BRINP3: variants seen among roughly 807,000 people sequenced by gnomAD.
The protein encoded by BRINP3 is BMP/retinoic acid-inducible neural-specific protein 3.
A neutral mutation model predicts 71.0 loss-of-function variants in BRINP3; 19 were observed. That is an observed-to-expected ratio of 0.27 (90% CI 0.19 to 0.39). BRINP3 has a LOEUF of 0.39. BRINP3 is among the 10% of genes least tolerant of loss of function. The pLI is 1.00. For synonymous variants in BRINP3, 380 were observed against 337.7 expected (o/e 1.13, Z -1.37); for missense variants, 959 against 940.8 (o/e 1.02, Z -0.25).
intron 6 of BRINP3, among the ~76,000 whole-genome samples, chr1:190,200,075 T>C (rs530918322): frequency 8.5e-5 from 13 of 152,122 alleles, no homozygotes; most frequent in Non-Finnish European, 1.8e-4. Flanking sequence ...CTTTTCCTTA[T>C]TGTTTCTCAT....
intron 7 of BRINP3, among the ~76,000 whole-genome samples, chr1:190,157,050 T>TA (rs1377847690): frequency 6.6e-6 from 1 of 151,902 alleles, no homozygotes; most frequent in Non-Finnish European, 1.5e-5. Flanking sequence ...ACCTCACATA[T>TA]ATCTGCACTT....
At chr1:190,422,725 A>G (rs2102466856) in intron 2 of BRINP3, among the ~76,000 whole-genome samples, 1 of 151,986 alleles carries the variant, frequency 6.6e-6, no homozygotes, top group East Asian at 1.9e-4. Context: ...GACTAGGGCA[A>G]GAAGGGAATT....
chr1:190,264,947 T>C lies in BRINP3; in HGVS notation c.536A>G (p.Gln179Arg). 6.2e-7 allele frequency: 1 copy of C among 1,613,642 alleles called. No individual in the cohort carries two copies. The highest frequency in any genetic ancestry group is 8.5e-7 in the Non-Finnish European group (1 of 1,179,864). ...SSSVTLETLH[Q>R]LAASYFIDRD... ...GTCAATGAAATAAGAAGCGGCTAGC[T>C]GATGTAGCGTCTCCAGAGTGACCGA... The change falls in exon 4 of 8, where the codon CAG becomes CGG. Residue 179 changes from glutamine to arginine, a missense_variant. Coordinates refer to ENST00000367462, the MANE Select transcript of BRINP3 (RefSeq NM_199051.3).
At chr1:190,203,435 ATATG>A (rs1179798432) in intron 6 of BRINP3, among the ~76,000 whole-genome samples, 3 of 148,578 alleles carry the variant, frequency 2.0e-5, no homozygotes, top group Non-Finnish European at 3.0e-5. Flanking sequence ...ATATATATAT[ATATG>A]TATGTGTGTG....
chr1:190,098,097 C>G lies in BRINP3; in HGVS notation c.2222G>C (p.Arg741Thr). 6.2e-7 allele frequency: 1 copy of G among 1,614,162 alleles called. No homozygotes were observed. The highest frequency in any genetic ancestry group is 8.5e-7 in the Non-Finnish European group (1 of 1,180,026). ...RLKLSTSEVV[R>T]IQSALQAFNA... Reference sequence around the variant, plus strand: ...AAACGCCTGCAGAGCAGATTGGATCCTCACCACCTCACTAGTAGACAGCTT... The same window carrying G: ...AAACGCCTGCAGAGCAGATTGGATCGTCACCACCTCACTAGTAGACAGCTT... Residue 741 changes from arginine (R) to threonine (T), a missense_variant, in exon 8 of 8, where the codon AGG becomes ACG. By Grantham distance (71) the Arg-to-Thr change is moderately conservative (BLOSUM62 -1). Transcript: ENST00000367462.
intron 4 of BRINP3, among the ~76,000 whole-genome samples, chr1:190,237,882 C>T (rs935602481): frequency 4.6e-5 from 7 of 152,022 alleles, no homozygotes; most frequent in Admixed American, 3.9e-4. Context: ...TAATCTAAGA[C>T]TTTCCATCTG....
intron 2 of BRINP3, among the ~76,000 whole-genome samples, chr1:190,390,956 T>C (rs1324930796): frequency 6.6e-6 from 1 of 151,746 alleles, no homozygotes; most frequent in African/African-American, 2.4e-5. Context: ...AGAAAATAAA[T>C]GTAATCCTTT....
chr1:190,309,275 G>A (rs944658391), intron 2 of BRINP3, among the ~76,000 whole-genome samples: 2 of 151,722 alleles, frequency 1.3e-5, no homozygotes, highest in South Asian at 2.1e-4. Flanking sequence ...AGAGTAGAAT[G>A]GTAGTTGTCG....
At chr1:190,432,522 G>C (rs1674167555) in intron 2 of BRINP3, among the ~76,000 whole-genome samples, 1 of 152,046 alleles carries the variant, frequency 6.6e-6, no homozygotes, top group Non-Finnish European at 1.5e-5. Flanking sequence ...ATCCTCTAAG[G>C]CACCATGTGT....
chr1:190,330,372 A>G (rs1455537654), intron 2 of BRINP3, among the ~76,000 whole-genome samples: 1 of 152,070 alleles, frequency 6.6e-6, no homozygotes, highest in Admixed American at 6.6e-5. Context: ...CAACAAATAT[A>G]TGAAAAAATG....
intron 7 of BRINP3, among the ~76,000 whole-genome samples, chr1:190,123,127 GC>G (rs1220311278): frequency 6.6e-6 from 1 of 152,110 alleles, no homozygotes; most frequent in African/African-American, 2.4e-5. Flanking sequence ...ATAATTGTTC[GC>G]CCCCCTCGAG....
At chr1:190,259,625 A>G (rs1660992235) in intron 4 of BRINP3, among the ~76,000 whole-genome samples, 1 of 96,574 alleles carries the variant, frequency 1.0e-5, no homozygotes, top group Non-Finnish European at 1.9e-5. Flanking sequence ...AAAATAAATA[A>G]ATAAATAAAT....
chr1:190,412,713 C>G (rs895105276), intron 2 of BRINP3, among the ~76,000 whole-genome samples: 2 of 151,636 alleles, frequency 1.3e-5, no homozygotes, highest in African/African-American at 2.4e-5. Context: ...CCGCCCGCCT[C>G]GGCCTCCCAA....
intron 6 of BRINP3, among the ~76,000 whole-genome samples, chr1:190,205,197 G>A (rs914382247): frequency 5.3e-5 from 8 of 151,772 alleles, no homozygotes; most frequent in Non-Finnish European, 5.9e-5. Flanking sequence ...GTACTATAGA[G>A]GATGAATAAA....
chr1:190,173,909 A>G (rs773776682), intron 6 of BRINP3, among the ~76,000 whole-genome samples: 13 of 152,150 alleles, frequency 8.5e-5, no homozygotes, highest in Non-Finnish European at 1.8e-4. Flanking sequence ...TCAATTTTCC[A>G]CAGTATTACA....
At chr1:190,366,474 T>G (rs954606788) in intron 2 of BRINP3, among the ~76,000 whole-genome samples, 1 of 152,104 alleles carries the variant, frequency 6.6e-6, no homozygotes, top group Non-Finnish European at 1.5e-5. Context: ...AGATGAGATT[T>G]GGGTGAGGAC....
In BRINP3 at chr1:190,158,850, A is replaced by G. The variant is rs577852518; in HGVS notation, c.1184+1818T>C. On this transcript the variant is annotated intron_variant, in intron 7 of 7. Coordinates refer to ENST00000367462, the MANE Select transcript of BRINP3 (RefSeq NM_199051.3). ...AATGAGGTTGAAAAACTTTTAGCTA[A>G]ACTGACCACAGGGAGGGGGAGAGAG... Among the ~76,000 whole-genome samples, 3 of 151,698 alleles carry G rather than the reference A, an allele frequency of 2.0e-5. No individual in the cohort carries two copies. The South Asian group carries it at 6.3e-4, about 32-fold the overall frequency.
rs1289523118 is a variant in BRINP3, at chr1:190,454,869, C to G, written c.22G>C (p.Gly8Arg). 6.2e-7 allele frequency: 1 copy of G among 1,613,936 alleles called. No homozygotes were observed. MIWRSRA[G>R]AELFSLMALW... ...GCCATCAGAGAGAACAATTCAGCAC[C>G]AGCTCTGCTTCGCCATATCATGCTT... Residue 8 changes from glycine (G) to arginine (R), a missense_variant, in exon 2 of 8, where the codon GGT becomes CGT. Physicochemically the swap from Gly to Arg is moderately radical, Grantham distance 125. Transcript: ENST00000367462.
intron 2 of BRINP3, among the ~76,000 whole-genome samples, chr1:190,301,457 T>G (rs1024274792): frequency 1.3e-5 from 2 of 151,188 alleles, no homozygotes; most frequent in Non-Finnish European, 3.0e-5. Context: ...AAAGAAAAAG[T>G]TTTATATTTA....
Sources: gnomAD v4.1 joint callset for allele counts (sites outside exome capture counted in the v4.1 genomes callset) on GRCh38, gnomAD v4.1.1 for gene constraint, MANE v1.5 for transcripts, NCBI Gene and HGNC (gene_info 2026-07-23, HGNC 2026-07-21) for gene names.